Variants in UBE2G1 observed in about 807,000 individuals in gnomAD.
UBE2G1 encodes the protein ubiquitin-conjugating enzyme E2 G1.
Under a neutral mutation model 22.7 loss-of-function variants are expected in UBE2G1, and 5 were observed. That is an observed-to-expected ratio of 0.22 (90% confidence interval 0.12 to 0.46). The LOEUF (loss-of-function observed/expected upper bound fraction) is 0.46. Ranked by LOEUF, UBE2G1 falls within the 20% of genes least tolerant of loss-of-function variation. The pLI is 0.99. For missense variants in UBE2G1, 88 were observed against 203.9 expected (o/e 0.43, Z 3.46); for synonymous variants, 74 against 67.5 (o/e 1.10, Z -0.47).
intron 1 of UBE2G1, among the ~76,000 whole-genome samples, chr17:4,362,776 C>T (rs937141761): frequency 6.6e-6 from 1 of 152,136 alleles, no homozygotes; most frequent in Non-Finnish European, 1.5e-5. Context: ...GCAGCAGAAT[C>T]GCTTGAACCT....
intron 1 of UBE2G1, among the ~76,000 whole-genome samples, chr17:4,365,520 C>A (rs1318413499): frequency 6.6e-6 from 1 of 152,158 alleles, no homozygotes; most frequent in Non-Finnish European, 1.5e-5. Context: ...GGCGCAGCTC[C>A]GGGGTTTGCA....
At chr17:4,329,846 T>A (rs1057074894) in intron 1 of UBE2G1, among the ~76,000 whole-genome samples, 1 of 151,550 alleles carries the variant, frequency 6.6e-6, no homozygotes, top group African/African-American at 2.4e-5. Flanking sequence ...TTTAGATTTA[T>A]AGTAACGTCA....
intron 2 of UBE2G1, among the ~76,000 whole-genome samples, chr17:4,305,541 A>G (rs1969239801): frequency 6.6e-6 from 1 of 152,074 alleles, no homozygotes; most frequent in Admixed American, 6.6e-5. Context: ...AAGACCAGAG[A>G]CGGTTTTGTT....
intron 1 of UBE2G1, among the ~76,000 whole-genome samples, chr17:4,358,892 C>T (rs112537250): frequency 1.5e-4 from 22 of 151,690 alleles, no homozygotes; most frequent in African/African-American, 4.6e-4. Flanking sequence ...CAAGAAGTTG[C>T]GGTGAGCCGA....
rs1379130014 is a variant in UBE2G1 at position 4,341,162 on chromosome 17, T to C, written c.46+25109A>G. Among the ~76,000 whole-genome samples, 5 of 151,994 alleles carry C rather than the reference T, an allele frequency of 3.3e-5. No individual in the cohort carries two copies. The East Asian group carries it at 9.6e-4, about 29-fold the overall frequency. ...TTAGTCACACACTGAAAGAAGCTGG[T>C]CATGCAAATCACATTGTAACTTTAT... On this transcript the variant is annotated intron_variant, in intron 1 of 5. Coordinates refer to ENST00000396981, the MANE Select transcript of UBE2G1 (RefSeq NM_003342.5).
chr17:4,302,635 C>A, intron 2 of UBE2G1: 1 of 342,606 alleles, frequency 2.9e-6, no homozygotes, highest in Non-Finnish European at 5.8e-6. Flanking sequence ...TGAATCATGC[C>A]CAGGGTGAGA....
chr17:4,290,779 C>CTT (rs34313850), intron 3 of UBE2G1, among the ~76,000 whole-genome samples: 3 of 117,970 alleles, frequency 2.5e-5, no homozygotes, highest in African/African-American at 9.6e-5. Context: ...CCATTCCTGG[C>CTT]TTTTTTTTTT....
intron 1 of UBE2G1, among the ~76,000 whole-genome samples, chr17:4,323,847 A>T (rs1437201393): frequency 6.6e-6 from 1 of 152,186 alleles, no homozygotes; most frequent in Non-Finnish European, 1.5e-5. Context: ...CTGGCCAGTA[A>T]CTAGTATTTT....
At chr17:4,341,767 A>G (rs1421735895) in intron 1 of UBE2G1, among the ~76,000 whole-genome samples, 1 of 152,128 alleles carries the variant, frequency 6.6e-6, no homozygotes, top group Non-Finnish European at 1.5e-5. Context: ...TTCTCAAAGT[A>G]CCATTCACCT....
Position 4,282,936 on chromosome 17 carries a change from A to C in UBE2G1, c.427-15T>G. ...CTCCATTCTTTCTGTAGATTAAAAA[A>C]GCAGTATCAAGTGATTTCATGCAAA... On this transcript the variant is annotated splice_polypyrimidine_tract_variant and intron_variant, in intron 4 of 5. Coordinates refer to ENST00000396981, the MANE Select transcript of UBE2G1 (RefSeq NM_003342.5). 2 of 1,600,200 alleles carry C rather than the reference A, an allele frequency of 1.2e-6. No individual in the cohort carries two copies. Among genetic ancestry groups the C allele is most frequent in the Non-Finnish European group, 1.7e-6 (2 of 1,170,530 alleles).
chr17:4,285,766 A>C (rs1968955760), intron 4 of UBE2G1, among the ~76,000 whole-genome samples: 1 of 152,100 alleles, frequency 6.6e-6, no homozygotes. Flanking sequence ...CCTGGCCAAC[A>C]TGGTGAAACC....
rs1358596941 is a variant in UBE2G1 at position 4,366,254 on chromosome 17, G to T, written c.46+17C>A. On this transcript the variant is annotated intron_variant, in intron 1 of 5. Transcript: ENST00000396981. ...CGATCGCGGCCGGGCCCGGCGCCCC[G>T]CCGCCCGCCTGCTCACCTGCCAGCT... 6.5e-7 allele frequency: 1 copy of T among 1,534,838 alleles called. No homozygotes were observed. The highest frequency in any genetic ancestry group is 1.9e-5 in the Admixed American group (1 of 51,754).
intron 1 of UBE2G1, among the ~76,000 whole-genome samples, chr17:4,338,519 T>C (rs1969675608): frequency 1.3e-5 from 2 of 152,214 alleles, no homozygotes; most frequent in South Asian, 2.1e-4. Context: ...TCATAGTAAG[T>C]AAAGGTAATT....
rs62064443 is a variant in UBE2G1, at chr17:4,292,333, A to C, written c.248-2925T>G. On this transcript the variant is annotated intron_variant, in intron 3 of 5. Coordinates refer to ENST00000396981, the MANE Select transcript of UBE2G1 (RefSeq NM_003342.5). ...CTGTCTCAAAAAAAAAAAAAAAAAA[A>C]CCCAAACCAAAACCAAACAAACAAA... is the stretch of plus-strand genomic sequence containing the variant. Among the ~76,000 whole-genome samples, 347 of 126,352 alleles carry C rather than the reference A, an allele frequency of 2.7e-3. 1 individual carries two copies. Among genetic ancestry groups the C allele is most frequent in the Admixed American group, 7.8e-3 (97 of 12,508 alleles). 82.9% of individuals were successfully genotyped at this position (126,352 alleles called of 152,430 possible). A position where few individuals can be genotyped will look rare whatever the true frequency, so the allele number is the denominator to read the frequency against.
chr17:4,313,899 A>C (rs1969338996), intron 1 of UBE2G1, among the ~76,000 whole-genome samples: 1 of 152,218 alleles, frequency 6.6e-6, no homozygotes, highest in South Asian at 2.1e-4. Flanking sequence ...ACCCAGGGAC[A>C]AGGTAGTGTC....
intron 1 of UBE2G1, among the ~76,000 whole-genome samples, chr17:4,365,677 G>A (rs1383116084): frequency 6.6e-6 from 1 of 152,134 alleles, no homozygotes; most frequent in Admixed American, 6.5e-5. Context: ...GCGGCGATCC[G>A]CACTCCGCCA....
chr17:4,276,650 A>C (rs552998668), intron 5 of UBE2G1, among the ~76,000 whole-genome samples: 1 of 13,464 alleles, frequency 7.4e-5, no homozygotes, highest in South Asian at 0.1. Context: ...TCTGCAACTA[A>C]GTAAGGCAGG....
At chr17:4,359,153 A>C (rs1969939575) in intron 1 of UBE2G1, among the ~76,000 whole-genome samples, 1 of 152,094 alleles carries the variant, frequency 6.6e-6, no homozygotes, top group Admixed American at 6.5e-5. Context: ...ATAAAAGGAA[A>C]AGTGTCTCCT....
In UBE2G1 at chr17:4,271,638, T is replaced by C. The variant is rs1196538269; in HGVS notation, c.*916A>G. 1 of 149,220 alleles carries C rather than the reference T, an allele frequency of 6.7e-6. No individual in the cohort carries two copies. Among genetic ancestry groups the C allele is most frequent in the Non-Finnish European group, 1.5e-5 (1 of 67,562 alleles). The allele number at this position is 149,220 out of a possible 1,614,324, so 9.2% of individuals were successfully genotyped here. A position where few individuals can be genotyped will look rare whatever the true frequency, so the allele number is the denominator to read the frequency against. ...GATTTGTAATAGCAAACCCAGAAGT[T>C]AAGTAGAAAGCCTGTAGCTGTGCAT... On this transcript the variant is annotated 3_prime_UTR_variant, in exon 6 of 6. Transcript: ENST00000396981.
Sources: allele counts gnomAD v4.1 joint callset (sites outside exome capture counted in the v4.1 genomes callset), GRCh38; gene constraint gnomAD v4.1.1; transcripts MANE v1.5; gene names NCBI Gene and HGNC (gene_info 2026-07-23, HGNC 2026-07-21).